Variants in RARB observed in about 807,000 individuals in gnomAD.
RARB encodes HBV-activated protein.
A neutral mutation model predicts 51.9 loss-of-function variants in RARB; 17 were observed. That is an observed-to-expected ratio of 0.33 (90% CI 0.22 to 0.49). The LOEUF is 0.49. Among genes scored for constraint, RARB ranks in the 20% least tolerant of loss-of-function variants. The pLI, the probability that RARB is intolerant of heterozygous loss-of-function variation, is 0.99. For synonymous variants in RARB, 215 were observed against 195.4 expected (o/e 1.10, Z -0.84); for missense variants, 369 against 550.8 (o/e 0.67, Z 3.30).
intron 3 of RARB, among the ~76,000 whole-genome samples, chr3:25,547,991 T>A (rs1699685350): frequency 6.6e-6 from 1 of 152,136 alleles, no homozygotes; most frequent in African/African-American, 2.4e-5. Context: ...TAGTAGCATA[T>A]TTTATCTGTT....
At chr3:25,526,301 G>A (rs1170610726) in intron 3 of RARB, among the ~76,000 whole-genome samples, 1 of 152,200 alleles carries the variant, frequency 6.6e-6, no homozygotes, top group African/African-American at 2.4e-5. Flanking sequence ...AAGCCAAAGG[G>A]TGGTGTTCTT....
intron 5 of RARB, among the ~76,000 whole-genome samples, chr3:25,402,152 C>T (rs955445040): frequency 1.3e-5 from 2 of 152,076 alleles, no homozygotes; most frequent in African/African-American, 4.8e-5. Context: ...AAGAAAAAAG[C>T]CACAAATTTT....
chr3:24,873,099 TAA>T (rs1457791314), intron 2 of RARB, among the ~76,000 whole-genome samples: 1 of 152,222 alleles, frequency 6.6e-6, no homozygotes, highest in African/African-American at 2.4e-5. Flanking sequence ...TATATTCCAA[TAA>T]AAGTTTATGA....
At chr3:25,208,109 G>A (rs1328026118) in intron 5 of RARB, among the ~76,000 whole-genome samples, 1 of 152,134 alleles carries the variant, frequency 6.6e-6, no homozygotes, top group Non-Finnish European at 1.5e-5. Context: ...ACAGTGCCGA[G>A]GGGATGGTGC....
chr3:25,239,497 T>C (rs1162987366), intron 5 of RARB, among the ~76,000 whole-genome samples: 2 of 152,148 alleles, frequency 1.3e-5, no homozygotes. Flanking sequence ...GAGATAGGAG[T>C]CCATTTTATT....
intron 3 of RARB, among the ~76,000 whole-genome samples, chr3:25,127,678 A>G (rs2125331632): frequency 6.6e-6 from 1 of 152,172 alleles, no homozygotes; most frequent in Middle Eastern, 3.4e-3. Flanking sequence ...AAAGAAACGA[A>G]GGAGCGAAGG....
chr3:25,113,126 T>A (rs1165583997), intron 3 of RARB, among the ~76,000 whole-genome samples: 4 of 152,190 alleles, frequency 2.6e-5, no homozygotes, highest in African/African-American at 9.6e-5. Flanking sequence ...TTTTTCTTCA[T>A]GTTCTCATTT....
intron 5 of RARB, among the ~76,000 whole-genome samples, chr3:25,194,968 A>AT (rs747103935): frequency 3.3e-5 from 5 of 151,936 alleles, no homozygotes; most frequent in Non-Finnish European, 7.4e-5. Context: ...AGAGTAAAGG[A>AT]TTTATATGGC....
At chr3:25,181,074 C>T (rs951175394) in intron 5 of RARB, among the ~76,000 whole-genome samples, 3 of 152,176 alleles carry the variant, frequency 2.0e-5, no homozygotes, top group Admixed American at 6.5e-5. Context: ...TGACCAAAGT[C>T]AGTCCTCTTT....
chr3:25,211,872 A>T (rs896078103), intron 5 of RARB, among the ~76,000 whole-genome samples: 3 of 152,238 alleles, frequency 2.0e-5, no homozygotes, highest in Non-Finnish European at 4.4e-5. Flanking sequence ...ATTACAAATC[A>T]TGCAAATCAT....
intron 2 of RARB, among the ~76,000 whole-genome samples, chr3:24,908,663 GTTTTTTTTTTTTT>G (rs59008287): frequency 9.6e-5 from 9 of 93,452 alleles, no homozygotes; most frequent in Admixed American, 8.9e-4. Context: ...AACCACAACT[GTTTTTTTTTTTTT>G]TTTTTTTTTT....
intron 2 of RARB, among the ~76,000 whole-genome samples, chr3:25,047,431 AT>A (rs1016755282): frequency 1.3e-5 from 2 of 152,202 alleles, no homozygotes; most frequent in African/African-American, 4.8e-5. Flanking sequence ...ATTAAAAAAA[AT>A]GTTTATGTAA....
chr3:25,105,894 C>T (rs1031421602), intron 3 of RARB, among the ~76,000 whole-genome samples: 3 of 152,130 alleles, frequency 2.0e-5, no homozygotes, highest in African/African-American at 7.2e-5. Context: ...GCATGTATTT[C>T]CCAAGTATAG....
chr3:25,360,911 T>C (rs938209932), intron 5 of RARB, among the ~76,000 whole-genome samples: 2 of 152,174 alleles, frequency 1.3e-5, no homozygotes, highest in Non-Finnish European at 2.9e-5. Flanking sequence ...GCCCTTAACA[T>C]TTTTTCCTTC....
intron 5 of RARB, among the ~76,000 whole-genome samples, chr3:25,217,225 A>G (rs1701854141): frequency 6.6e-6 from 1 of 152,194 alleles, no homozygotes; most frequent in Non-Finnish European, 1.5e-5. Context: ...GCAGAACAGG[A>G]TAAATGTTTA....
intron 2 of RARB, among the ~76,000 whole-genome samples, chr3:24,982,216 C>G (rs915550270): frequency 3.9e-5 from 6 of 152,158 alleles, no homozygotes; most frequent in Non-Finnish European, 7.4e-5. Context: ...TTGGCTTCAC[C>G]TCTATTTTCT....
At chr3:25,426,986 G>C (rs1575392438), upstream of RARB, among the ~76,000 whole-genome samples, 1 of 152,300 alleles carries the variant, frequency 6.6e-6, no homozygotes, top group Middle Eastern at 3.4e-3. Flanking sequence ...GATTGGGCAG[G>C]GGCTGGAATG....
chr3:25,013,315 A>G (rs1235168820), intron 2 of RARB, among the ~76,000 whole-genome samples: 3 of 152,102 alleles, frequency 2.0e-5, no homozygotes, highest in African/African-American at 7.2e-5. Flanking sequence ...GCTCCCTGAA[A>G]TGGCCCACAT....
chr3:24,970,518 C>G (rs534396680), intron 2 of RARB, among the ~76,000 whole-genome samples: 1 of 150,848 alleles, frequency 6.6e-6, no homozygotes, highest in Non-Finnish European at 1.5e-5. Flanking sequence ...TATCAAAGAC[C>G]GGAAAATGTA....
Sources: gnomAD v4.1 joint callset for allele counts (sites outside exome capture counted in the v4.1 genomes callset) on GRCh38, gnomAD v4.1.1 for gene constraint, MANE v1.5 for transcripts, NCBI Gene and HGNC (gene_info 2026-07-23, HGNC 2026-07-21) for gene names.